DENND1A: variants seen among roughly 807,000 people sequenced by gnomAD.
DENND1A encodes the protein DENN domain-containing protein 1A.
DENND1A carries 51 observed loss-of-function variants against 113.7 expected under a neutral mutation model. The ratio of observed to expected loss-of-function variants is 0.45; its 90% CI spans 0.36 to 0.57. The LOEUF (loss-of-function observed/expected upper bound fraction) is 0.57, where lower values mean the gene tolerates loss of function less well. DENND1A is among the 20% of genes least tolerant of loss of function. The probability of loss-of-function intolerance (pLI) is 0.00; values close to 1 mark genes in which losing one functional copy is unlikely to be tolerated. For missense variants in DENND1A, 1,258 were observed against 1,395.9 expected (o/e 0.90, Z 1.57); for synonymous variants, 565 against 570.8 (o/e 0.99, Z 0.14).
At chr9:123,773,749 C>T (rs1257060796) in intron 3 of DENND1A, among the ~76,000 whole-genome samples, 3 of 152,258 alleles carry the variant, frequency 2.0e-5, no homozygotes, top group African/African-American at 7.2e-5. Context: ...CAGACATACA[C>T]ACCCCATAAA....
At chr9:123,878,294 T>C (rs1430532154) in intron 2 of DENND1A, among the ~76,000 whole-genome samples, 1 of 152,158 alleles carries the variant, frequency 6.6e-6, no homozygotes, top group Non-Finnish European at 1.5e-5. Flanking sequence ...GTATCACCTC[T>C]TAGGCACCAA....
chr9:123,633,537 G>C (rs954568483), intron 9 of DENND1A, among the ~76,000 whole-genome samples: 3 of 152,180 alleles, frequency 2.0e-5, no homozygotes, highest in Admixed American at 6.5e-5. Flanking sequence ...CTCTTTGGGA[G>C]GCTGAGGTGG....
Position 123,619,049 on chromosome 9 carries a change from G to C in DENND1A, c.720-9568C>G, listed in dbSNP as rs2060805108. On this transcript the variant is annotated intron_variant, in intron 10 of 23. Coordinates refer to ENST00000394215, the MANE Select transcript of DENND1A (RefSeq NM_001352964.2). ...TGCAACCTCCACCTCTCAGGTTCAA[G>C]TGATTCTCCTGCCTCAGCCTCAGAG... Among the ~76,000 whole-genome samples the C allele has an allele frequency of 2.0e-5, 3 of 152,284 alleles. No homozygotes were observed. The South Asian group carries it at 6.2e-4, about 32-fold the overall frequency.
At chr9:123,635,954 G>A (rs1379198933) in intron 9 of DENND1A, among the ~76,000 whole-genome samples, 1 of 152,132 alleles carries the variant, frequency 6.6e-6, no homozygotes. Context: ...CAAGATTTCT[G>A]TGTTCCTTTC....
At chr9:123,884,997 G>GCACACACACA (rs57555620) in intron 1 of DENND1A, among the ~76,000 whole-genome samples, 6 of 145,836 alleles carry the variant, frequency 4.1e-5, no homozygotes, top group African/African-American at 1.0e-4. Context: ...GAGCGCGCGC[G>GCACACACACA]CACACACACA....
At position 123,382,527 on chromosome 9, in the gene DENND1A, GTCGTCCTGGCCCAGGCTCCAGA is replaced by G. The variant is rs1255876763; in HGVS notation, c.2096_2117del (p.Leu699ProfsTer37). On this transcript the variant is annotated frameshift_variant, in exon 24 of 24. Transcript: ENST00000394215. LOFTEE classifies it high-confidence loss of function. ...CTGGGGGCTTGCTGGGGATGGCCATGTCGTCCTGGCCCAGGCTCCAGAGCTTGTTGTACGGGTGGGTAAGCTT... is the reference window on the plus strand; with the variant it reads ...CTGGGGGCTTGCTGGGGATGGCCATGGCTTGTTGTACGGGTGGGTAAGCTT... 1 of 1,614,158 alleles carries G rather than the reference GTCGTCCTGGCCCAGGCTCCAGA, an allele frequency of 6.2e-7. No individual in the cohort carries two copies. Among genetic ancestry groups the G allele is most frequent in the South Asian group, 1.1e-5 (1 of 91,090 alleles).
chr9:123,487,247 C>T (rs888599984), intron 13 of DENND1A, among the ~76,000 whole-genome samples: 8 of 152,212 alleles, frequency 5.3e-5, no homozygotes, highest in Non-Finnish European at 2.9e-5. Flanking sequence ...AATTCTCCCT[C>T]CTATCCTCTT....
At chr9:123,903,513 G>A (rs1440089784) in intron 1 of DENND1A, among the ~76,000 whole-genome samples, 6 of 152,016 alleles carry the variant, frequency 3.9e-5, no homozygotes, top group South Asian at 2.1e-4. Context: ...CAGTGGGTGC[G>A]GGCACCGTGC....
intron 1 of DENND1A, among the ~76,000 whole-genome samples, chr9:123,912,619 C>A (rs1854218499): frequency 1.3e-5 from 2 of 152,100 alleles, no homozygotes. Flanking sequence ...CCAGCCCACC[C>A]CCGCCAGAGT....
intron 5 of DENND1A, among the ~76,000 whole-genome samples, chr9:123,756,474 G>C (rs1180251576): frequency 6.6e-6 from 1 of 152,120 alleles, no homozygotes; most frequent in African/African-American, 2.4e-5. Context: ...GGCTACTAAG[G>C]CGTGCTTGAG....
Position 123,381,548 on chromosome 9 carries a change from C to G in DENND1A, c.3097G>C (p.Asp1033His). ...TTCTGTAACAAATCCTCAAAGGGGT[C>G]TCTGGCCTGTTGAGGAGCAGAGGGC... ...LQPSAPQQAR[D>H]PFEDLLQKTK... Residue 1033 changes from aspartate to histidine, a missense_variant, in exon 24 of 24, where the codon GAC becomes CAC. Around this residue, in one of 2 missense-constraint regions of DENND1A, gnomAD observed 1,159 missense variants for 1,231.7 expected, o/e 0.94. Coordinates refer to ENST00000394215, the MANE Select transcript of DENND1A (RefSeq NM_001352964.2). The surrounding 1 kb of genome is among the most constrained non-coding windows in gnomAD (Gnocchi z 4.7). 1.2e-6 allele frequency: 2 copies of G among 1,613,760 alleles called. No individual in the cohort carries two copies. The highest frequency in any genetic ancestry group is 1.7e-6 in the Non-Finnish European group (2 of 1,179,974).
At chr9:123,440,685 A>C (rs1280683939) in intron 18 of DENND1A, among the ~76,000 whole-genome samples, 194 bp from the exon 19 acceptor site, 3 of 152,276 alleles carry the variant, frequency 2.0e-5, no homozygotes, top group Admixed American at 1.3e-4. Context: ...CAAACCATCC[A>C]TGTGAAGTTA....
At chr9:123,692,696 A>G (rs1450307171) in intron 5 of DENND1A, among the ~76,000 whole-genome samples, 1 of 152,246 alleles carries the variant, frequency 6.6e-6, no homozygotes, top group Non-Finnish European at 1.5e-5. Context: ...AGATTCTAAG[A>G]GCTACTATTA....
chr9:123,417,806 C>A (rs1434616166), intron 19 of DENND1A, among the ~76,000 whole-genome samples: 1 of 151,948 alleles, frequency 6.6e-6, no homozygotes, highest in South Asian at 2.1e-4. Flanking sequence ...ATCCCAGGCA[C>A]AGGGGCACAT....
chr9:123,419,743 C>T lies in DENND1A; in HGVS notation c.1489-7914G>A, dbSNP rs139464691. Among the ~76,000 whole-genome samples, 25 of 152,344 alleles carry T rather than the reference C, an allele frequency of 1.6e-4. No individual in the cohort carries two copies. In the East Asian group the frequency reaches 3.1e-3, roughly 19 times the overall value. ...GCCTCCAAAAAGGAGTGCATTGAAG[C>T]GATATTTTTGTGGAGTGTCTCCTTT... On this transcript the variant is annotated intron_variant, in intron 19 of 23. Coordinates refer to ENST00000394215, the MANE Select transcript of DENND1A (RefSeq NM_001352964.2).
chr9:123,674,480 T>C (rs1016240730), intron 6 of DENND1A, among the ~76,000 whole-genome samples: 3 of 152,092 alleles, frequency 2.0e-5, no homozygotes, highest in Admixed American at 6.5e-5. Context: ...TAGATTCTAT[T>C]TCTTTAAATA....
intron 13 of DENND1A, among the ~76,000 whole-genome samples, chr9:123,538,215 T>C (rs1490405222): frequency 1.3e-5 from 2 of 152,214 alleles, no homozygotes; most frequent in Non-Finnish European, 2.9e-5. Context: ...ATCAGAATTT[T>C]CATATGGGAG....
At chr9:123,890,155 G>C in intron 1 of DENND1A, among the ~76,000 whole-genome samples, 1 of 152,126 alleles carries the variant, frequency 6.6e-6, no homozygotes, top group Admixed American at 6.5e-5. Flanking sequence ...TTTACAGTAA[G>C]GGAAACTGAG....
chr9:123,851,096 C>CATA (rs1484060790), intron 2 of DENND1A, among the ~76,000 whole-genome samples: 1 of 152,168 alleles, frequency 6.6e-6, no homozygotes, highest in African/African-American at 2.4e-5. Context: ...TGAGTTTTGA[C>CATA]ATATGTGTAC....
Sources: gnomAD v4.1 joint callset for allele counts (sites outside exome capture counted in the v4.1 genomes callset) on GRCh38, gnomAD v4.1.1 for gene constraint, gnomAD v4.1.1 regional missense constraint, Gnocchi (gnomAD v3.1) non-coding constraint, MANE v1.5 for transcripts, NCBI Gene and HGNC (gene_info 2026-07-23, HGNC 2026-07-21) for gene names.